BEAN1: variants seen among roughly 807,000 people sequenced by gnomAD.
The protein encoded by BEAN1 is protein BEAN1.
Under a neutral mutation model 17.7 loss-of-function variants are expected in BEAN1, and 17 were observed. The observed-to-expected ratio is 0.96, with a 90% confidence interval of 0.66 to 1.44. The LOEUF (loss-of-function observed/expected upper bound fraction) is 1.44, where lower values mean the gene tolerates loss of function less well. Ranked by LOEUF, BEAN1 falls within the 40% of genes most tolerant of loss-of-function variation. The pLI is 0.00. For synonymous variants in BEAN1, 142 were observed against 151.8 expected, an observed-to-expected ratio of 0.94 and a Z score of 0.47; for missense variants, 359 against 374.1, an observed-to-expected ratio of 0.96 and a Z score of 0.33.
chr16:66,436,967 C>T (rs1567482144), intron 1 of BEAN1, among the ~76,000 whole-genome samples: 1 of 152,132 alleles, frequency 6.6e-6, no homozygotes, highest in Non-Finnish European at 1.5e-5. Context: ...GCTCTGGAGT[C>T]AAACTGATCT....
chr16:66,493,697 C>A (rs2142492338), downstream of BEAN1, among the ~76,000 whole-genome samples: 1 of 152,284 alleles, frequency 6.6e-6, no homozygotes, highest in South Asian at 2.1e-4. Flanking sequence ...CATTCTCAGC[C>A]AGCTCTGCCC....
At chr16:66,455,160 C>A (rs550079712) in intron 2 of BEAN1, among the ~76,000 whole-genome samples, 11 of 152,246 alleles carry the variant, frequency 7.2e-5, no homozygotes, top group Admixed American at 5.9e-4. Context: ...GATGAGGAAG[C>A]TAAGGTACGT....
chr16:66,490,396 C>CAACAAAATA (rs1555522953), intron 4 of BEAN1, among the ~76,000 whole-genome samples: 1 of 67,602 alleles, frequency 1.5e-5, no homozygotes, highest in Non-Finnish European at 3.0e-5. Context: ...GACTCTGTTT[C>CAACAAAATA]AATAAAATAA....
intron 4 of BEAN1, among the ~76,000 whole-genome samples, chr16:66,492,226 G>C (rs1205752372): frequency 6.6e-6 from 1 of 151,806 alleles, no homozygotes; most frequent in African/African-American, 2.4e-5. Context: ...ATTTTTAGTA[G>C]AGACGGGGTT....
intron 2 of BEAN1, among the ~76,000 whole-genome samples, chr16:66,461,348 C>G (rs1016097865): frequency 6.6e-6 from 1 of 152,154 alleles, no homozygotes; most frequent in Non-Finnish European, 1.5e-5. Flanking sequence ...GATTAATTTC[C>G]TAGCTGTCCA....
chr16:66,443,115 A>G (rs1011480470), intron 2 of BEAN1, among the ~76,000 whole-genome samples: 4 of 152,212 alleles, frequency 2.6e-5, no homozygotes, highest in Admixed American at 6.5e-5. Context: ...ACACTGCCCA[A>G]TGATCTCTAG....
At chr16:66,454,756 G>A (rs1437329255) in intron 2 of BEAN1, among the ~76,000 whole-genome samples, 1 of 130,856 alleles carries the variant, frequency 7.6e-6, no homozygotes, top group South Asian at 2.3e-4. Flanking sequence ...TTTTGCTTTG[G>A]GTTTGGTTTT....
intron 1 of BEAN1, among the ~76,000 whole-genome samples, chr16:66,435,953 G>A (rs1450822308): frequency 1.3e-5 from 2 of 152,066 alleles, no homozygotes; most frequent in Non-Finnish European, 2.9e-5. Context: ...CTCCCAAGCA[G>A]GGATGGCAAG....
At position 66,442,215 on chromosome 16, in the gene BEAN1, G is replaced by T. The variant is rs111704988; in HGVS notation, c.25+4514G>T. 4.9e-3 allele frequency among the ~76,000 whole-genome samples: 746 copies of T among 152,336 alleles called. 3 individuals carry two copies. Among genetic ancestry groups the T allele is most frequent in the African/African-American group, 0.016 (682 of 41,590 alleles). ...CCAGCCTGGCTCTTCAGGAAGGCTGGAGGTGGAGGAGCCTTCTCCATCAGG... is the reference window on the plus strand; with the variant it reads ...CCAGCCTGGCTCTTCAGGAAGGCTGTAGGTGGAGGAGCCTTCTCCATCAGG... On this transcript the variant is annotated intron_variant, in intron 2 of 4. Coordinates refer to ENST00000536005, the MANE Select transcript of BEAN1 (RefSeq NM_001178020.3).
chr16:66,446,983 A>G (rs1249889053), intron 2 of BEAN1, among the ~76,000 whole-genome samples: 1 of 152,158 alleles, frequency 6.6e-6, no homozygotes, highest in East Asian at 1.9e-4. Flanking sequence ...AAGAGAGAGG[A>G]ACCCAGCCAG....
At chr16:66,488,054 C>T (rs536824208) in intron 4 of BEAN1, among the ~76,000 whole-genome samples, 6 of 152,284 alleles carry the variant, frequency 3.9e-5, no homozygotes, top group Non-Finnish European at 7.3e-5. Context: ...TTTTAGGCAC[C>T]ATGCCCAGCG....
At chr16:66,459,750 G>A (rs1963012261) in intron 2 of BEAN1, among the ~76,000 whole-genome samples, 1 of 152,140 alleles carries the variant, frequency 6.6e-6, no homozygotes, top group South Asian at 2.1e-4. Flanking sequence ...AATGCATCAA[G>A]TCCTCAGCAG....
At chr16:66,437,262 A>C (rs1962062287) in intron 1 of BEAN1, among the ~76,000 whole-genome samples, 1 of 152,030 alleles carries the variant, frequency 6.6e-6, no homozygotes, top group Non-Finnish European at 1.5e-5. Context: ...GGTCTGTTGA[A>C]GTTGTCCGAA....
rs146861397 is a variant in BEAN1, at chr16:66,493,290, G to A, written c.476G>A (p.Gly159Glu). The A allele has an allele frequency of 3.6e-4, 251 of 702,302 alleles. No homozygotes were observed. Among genetic ancestry groups the A allele is most frequent in the Admixed American group, 1.2e-3 (60 of 49,980 alleles). 43.5% of individuals were successfully genotyped at this position (702,302 alleles called of 1,614,324 possible). A position where few individuals can be genotyped will look rare whatever the true frequency, so the allele number is the denominator to read the frequency against. ...GGGGTTCAGCCAGGCCCAGGTTCCGGGGGACCACAGCAAGGTCCCTCAGAA... is the reference window on the plus strand; with the variant it reads ...GGGGTTCAGCCAGGCCCAGGTTCCGAGGGACCACAGCAAGGTCCCTCAGAA... Residue 159 changes from glycine to glutamate, a missense_variant, in exon 5 of 5, where the codon GGG becomes GAG. By Grantham distance (98) the Gly-to-Glu change is moderately conservative. Coordinates refer to the BEAN1 transcript ENST00000561796.
downstream of BEAN1, among the ~76,000 whole-genome samples, chr16:66,493,814 G>A (rs1022891113): frequency 5.3e-5 from 8 of 152,206 alleles, no homozygotes; most frequent in Admixed American, 1.3e-4. Context: ...CACCTCTTCC[G>A]AGAGGAATGA....
chr16:66,483,276 T>G (rs1964036839), downstream of BEAN1: 1 of 173,308 alleles, frequency 5.8e-6, no homozygotes, highest in Non-Finnish European at 1.2e-5. Context: ...ATGTGGATAT[T>G]TGGATAGTCA....
chr16:66,485,053 C>G (rs994074795), downstream of BEAN1: 3 of 454,010 alleles, frequency 6.6e-6, no homozygotes, highest in African/African-American at 6.0e-5. Context: ...AGGGCTCCAG[C>G]AGCTGCTGCC....
At chr16:66,443,700 C>A (rs1962341128) in intron 2 of BEAN1, among the ~76,000 whole-genome samples, 1 of 152,014 alleles carries the variant, frequency 6.6e-6, no homozygotes, top group African/African-American at 2.4e-5. Flanking sequence ...AATACAAACT[C>A]CTCTTGCTCT....
chr16:66,482,856 TTTC>T (rs1294461552), downstream of BEAN1: 13 of 455,912 alleles, frequency 2.9e-5, no homozygotes, highest in Admixed American at 2.1e-4. Flanking sequence ...GGTTCCTTTT[TTTC>T]TTTTCTTTTT....
Sources: gnomAD v4.1 joint callset for allele counts (sites outside exome capture counted in the v4.1 genomes callset) on GRCh38, gnomAD v4.1.1 for gene constraint, MANE v1.5 for transcripts, NCBI Gene and HGNC (gene_info 2026-07-23, HGNC 2026-07-21) for gene names.